Variants in IMMP2L observed in about 807,000 individuals in gnomAD.
IMMP2L encodes mitochondrial inner membrane protease subunit 2.
A neutral mutation model predicts 19.3 loss-of-function variants in IMMP2L; 18 were observed. The ratio of observed to expected loss-of-function variants is 0.93; its 90% CI spans 0.64 to 1.38. The LOEUF (loss-of-function observed/expected upper bound fraction) is 1.38, where lower values mean the gene tolerates loss of function less well. Among genes scored for constraint, IMMP2L ranks in the 40% most tolerant of loss-of-function variants. The probability of loss-of-function intolerance (pLI) is 0.00; values close to 1 mark genes in which losing one functional copy is unlikely to be tolerated. For synonymous variants in IMMP2L, 76 were observed against 73.0 expected (o/e 1.04, Z -0.21); for missense variants, 233 against 218.2 (o/e 1.07, Z -0.43).
At chr7:111,477,117 C>CGT (rs1451985481) in intron 3 of IMMP2L, among the ~76,000 whole-genome samples, 5 of 152,174 alleles carry the variant, frequency 3.3e-5, no homozygotes, top group African/African-American at 1.2e-4. Flanking sequence ...TGGTTTTCTA[C>CGT]AGATCACGTT....
rs565356820 is a variant in IMMP2L at position 110,911,161 on chromosome 7, C to T, written c.306-24466G>A. Among the ~76,000 whole-genome samples, 38 of 151,948 alleles carry T rather than the reference C, an allele frequency of 2.5e-4. No homozygotes were observed. In the East Asian group the frequency reaches 6.4e-3, roughly 26 times the overall value. ...ACAACCAGACATTAAAATTAGAATA[C>T]GTACACAGTTAAAAAAAGGAAATTA... On this transcript the variant is annotated intron_variant, in intron 4 of 5. Transcript: ENST00000405709.
intron 3 of IMMP2L, among the ~76,000 whole-genome samples, chr7:111,243,230 T>C (rs1337605511): frequency 6.6e-6 from 1 of 152,000 alleles, no homozygotes; most frequent in East Asian, 1.9e-4. Context: ...AAGTATTTAT[T>C]ATATATTGAA....
At chr7:110,820,735 T>C (rs374814765) in intron 5 of IMMP2L, among the ~76,000 whole-genome samples, 2 of 152,080 alleles carry the variant, frequency 1.3e-5, no homozygotes, top group African/African-American at 4.8e-5. Flanking sequence ...ATTATATTTT[T>C]GGTTAACCTA....
At chr7:110,719,102 A>G (rs961106720) in intron 5 of IMMP2L, among the ~76,000 whole-genome samples, 5 of 152,226 alleles carry the variant, frequency 3.3e-5, no homozygotes, top group African/African-American at 1.2e-4. Context: ...CGGGTGATTA[A>G]TGATGTAGCT....
intron 5 of IMMP2L, among the ~76,000 whole-genome samples, chr7:110,767,131 A>G (rs1161009634): frequency 6.6e-6 from 1 of 152,146 alleles, no homozygotes. Context: ...CTGACCTTTC[A>G]GTCTGTCATA....
chr7:111,338,413 TA>T (rs1342744492), intron 3 of IMMP2L, among the ~76,000 whole-genome samples: 2 of 152,012 alleles, frequency 1.3e-5, no homozygotes, highest in African/African-American at 4.8e-5. Context: ...TCATTCTAGT[TA>T]CAGTAAATTG....
At chr7:111,435,484 T>C (rs560257452) in intron 3 of IMMP2L, among the ~76,000 whole-genome samples, 28 of 151,804 alleles carry the variant, frequency 1.8e-4, no homozygotes, top group African/African-American at 6.6e-4. Flanking sequence ...TGAGTACACA[T>C]GGACATACAG....
chr7:111,179,854 T>A lies in IMMP2L; in HGVS notation c.240-216289A>T, dbSNP rs537956603. ...ACTTCTATGTCAATACTTGCTGCTT[T>A]ACCTTACACTTTTATGTTACGAAAA... On this transcript the variant is annotated intron_variant, in intron 3 of 5. Coordinates refer to ENST00000405709, the MANE Select transcript of IMMP2L (RefSeq NM_032549.4). Among the ~76,000 whole-genome samples the A allele has an allele frequency of 2.0e-5, 3 of 152,220 alleles. No individual in the cohort carries two copies. In the South Asian group the frequency reaches 6.2e-4, roughly 32 times the overall value.
chr7:111,176,502 G>A (rs1173366326), intron 3 of IMMP2L, among the ~76,000 whole-genome samples: 1 of 151,946 alleles, frequency 6.6e-6, no homozygotes, highest in Non-Finnish European at 1.5e-5. Context: ...ACTATGTTAA[G>A]TGAAATAAGC....
chr7:111,443,330 G>C (rs940097320), intron 3 of IMMP2L, among the ~76,000 whole-genome samples: 1 of 149,478 alleles, frequency 6.7e-6, no homozygotes, highest in Non-Finnish European at 1.5e-5. Flanking sequence ...CCTATCAAAG[G>C]AACTTGCTAC....
chr7:111,297,135 A>C (rs972255520), intron 3 of IMMP2L, among the ~76,000 whole-genome samples: 6 of 152,062 alleles, frequency 3.9e-5, no homozygotes. Flanking sequence ...CTGCATCTTG[A>C]TTATGGTGGT....
intron 3 of IMMP2L, among the ~76,000 whole-genome samples, chr7:111,118,328 A>G (rs1432375711): frequency 3.3e-5 from 5 of 152,156 alleles, no homozygotes; most frequent in Admixed American, 3.3e-4. Flanking sequence ...AGATCTCTTT[A>G]CTAAGGAAAA....
At chr7:111,149,214 A>G (rs1410482468) in intron 3 of IMMP2L, among the ~76,000 whole-genome samples, 1 of 152,198 alleles carries the variant, frequency 6.6e-6, no homozygotes. Context: ...ATATAATTTC[A>G]GTGATAACAA....
chr7:111,500,371 C>T (rs1466833355), intron 2 of IMMP2L, among the ~76,000 whole-genome samples: 1 of 152,198 alleles, frequency 6.6e-6, no homozygotes, highest in Non-Finnish European at 1.5e-5. Flanking sequence ...TAGGCTCCAC[C>T]TCTGGGGGCA....
At chr7:110,755,187 A>G (rs958793667) in intron 5 of IMMP2L, among the ~76,000 whole-genome samples, 4 of 152,058 alleles carry the variant, frequency 2.6e-5, no homozygotes, top group Non-Finnish European at 5.9e-5. Context: ...TTGTTCATAA[A>G]TATGTTTACT....
At chr7:111,310,823 C>G (rs1292150129) in intron 3 of IMMP2L, among the ~76,000 whole-genome samples, 3 of 152,072 alleles carry the variant, frequency 2.0e-5, no homozygotes. Context: ...GTGCCAGAGA[C>G]AAGAATGACT....
At chr7:110,897,486 G>A (rs567756478) in intron 4 of IMMP2L, among the ~76,000 whole-genome samples, 4 of 152,270 alleles carry the variant, frequency 2.6e-5, no homozygotes, top group South Asian at 4.1e-4. Context: ...GTACACTCAC[G>A]TTGCTGGTAG....
Position 111,132,241 on chromosome 7 carries a change from T to A in IMMP2L, c.240-168676A>T, listed in dbSNP as rs185613410. Among the ~76,000 whole-genome samples, 423 of 152,112 alleles carry A rather than the reference T, an allele frequency of 2.8e-3. 2 individuals carry two copies. Among genetic ancestry groups the A allele is most frequent in the Non-Finnish European group, 4.4e-3 (301 of 67,892 alleles). On this transcript the variant is annotated intron_variant, in intron 3 of 5. Coordinates refer to ENST00000405709, the MANE Select transcript of IMMP2L (RefSeq NM_032549.4). ...GAATATACATGAAGTTCCAAGTAGATGGAAGGCTAGGGACTTTTAAAAGAA... is the reference window on the plus strand; with the variant it reads ...GAATATACATGAAGTTCCAAGTAGAAGGAAGGCTAGGGACTTTTAAAAGAA...
At chr7:110,886,741 T>A in intron 4 of IMMP2L, 46 bp from the exon 5 acceptor site, 1 of 892,198 alleles carries the variant, frequency 1.1e-6, no homozygotes, top group Non-Finnish European at 1.9e-6. Context: ...AGAAAAGAGA[T>A]CAAACTGCTG....
Sources: allele counts gnomAD v4.1 joint callset (sites outside exome capture counted in the v4.1 genomes callset), GRCh38; gene constraint gnomAD v4.1.1; transcripts MANE v1.5; gene names NCBI Gene and HGNC (gene_info 2026-07-23, HGNC 2026-07-21).